Variants in FBXL13 observed in about 807,000 individuals in gnomAD.
FBXL13 encodes the protein F-box and leucine-rich repeat protein 13.
In FBXL13, 67 loss-of-function variants were observed where a neutral mutation model predicts 83.6. The ratio of observed to expected loss-of-function variants is 0.80; its 90% CI spans 0.66 to 0.98. The LOEUF is 0.98. Among genes scored for constraint, FBXL13 ranks in the 50% least tolerant of loss-of-function variants. The pLI, the probability that FBXL13 is intolerant of heterozygous loss-of-function variation, is 0.00. For synonymous variants in FBXL13, 272 were observed against 299.5 expected, an observed-to-expected ratio of 0.91 and a Z score of 0.95; for missense variants, 822 against 866.5, an observed-to-expected ratio of 0.95 and a Z score of 0.64.
chr7:102,832,956 G>C, exon 18 of FBXL13: 1 of 1,614,152 alleles, frequency 6.2e-7, no homozygotes, highest in Non-Finnish European at 8.5e-7. Context: ...TCCAAGATCA[G>C]TGAGCTTTTG....
chr7:102,830,692 T>C (rs1800507569), intron 18 of FBXL13, among the ~76,000 whole-genome samples: 1 of 152,238 alleles, frequency 6.6e-6, no homozygotes, highest in Non-Finnish European at 1.5e-5. Context: ...ACATAGAAGC[T>C]GAACTTCTAG....
intron 6 of FBXL13, among the ~76,000 whole-genome samples, chr7:103,019,996 C>T (rs1057023256): frequency 3.9e-5 from 6 of 152,150 alleles, no homozygotes; most frequent in East Asian, 3.8e-4. Flanking sequence ...CATCCTGATA[C>T]GAAAGCCTGG....
At chr7:102,867,803 T>C (rs11543736) in intron 16 of FBXL13, among the ~76,000 whole-genome samples, 28,167 of 146,528 alleles carry the variant, frequency 0.19, 2,944 homozygotes, top group East Asian at 0.43. Context: ...CCCGGGTTCA[T>C]GCCATTCTCC....
chr7:102,878,460 A>T lies in FBXL13; in HGVS notation c.1389-10T>A. On this transcript the variant is annotated splice_polypyrimidine_tract_variant and intron_variant, in intron 14 of 19. Transcript: ENST00000313221. ...TCCCATATCACCAATTCTGTAGGAA[A>T]GAGAGAAAAATTTTACATGTGATTC... 6 of 1,562,132 alleles carry T rather than the reference A, an allele frequency of 3.8e-6. No individual in the cohort carries two copies. The South Asian group carries it at 7.2e-5, about 19-fold the overall frequency.
chr7:102,994,809 T>G (rs1585278825), intron 6 of FBXL13, among the ~76,000 whole-genome samples: 2 of 152,186 alleles, frequency 1.3e-5, no homozygotes, highest in African/African-American at 4.8e-5. Flanking sequence ...TATTGGTTGG[T>G]TCAGGCCACG....
At chr7:103,005,057 A>C (rs538367497) in intron 6 of FBXL13, among the ~76,000 whole-genome samples, 1 of 152,360 alleles carries the variant, frequency 6.6e-6, no homozygotes, top group Non-Finnish European at 1.5e-5. Flanking sequence ...AAGAGGCAAC[A>C]AAAATTATAT....
At chr7:102,840,785 T>C (rs989624619) in intron 17 of FBXL13, among the ~76,000 whole-genome samples, 1 of 152,196 alleles carries the variant, frequency 6.6e-6, no homozygotes, top group East Asian at 1.9e-4. Context: ...GAACAAGTCA[T>C]GTTACCTCAA....
chr7:102,816,090 C>A (rs1457030968), intron 19 of FBXL13: 1 of 152,138 alleles, frequency 6.6e-6, no homozygotes, highest in African/African-American at 2.4e-5. Flanking sequence ...TTCCTTAGTC[C>A]CTGTCCCCCT....
chr7:102,956,372 T>A (rs1824271768), intron 8 of FBXL13, among the ~76,000 whole-genome samples: 1 of 151,708 alleles, frequency 6.6e-6, no homozygotes, highest in South Asian at 2.1e-4. Context: ...TAGGTATTGA[T>A]GGAACGTATC....
intron 8 of FBXL13, among the ~76,000 whole-genome samples, chr7:102,941,562 TA>T (rs1178358507): frequency 6.6e-6 from 1 of 152,140 alleles, no homozygotes; most frequent in Admixed American, 6.5e-5. Context: ...CCTGTCTTGA[TA>T]AATAGACTCT....
At chr7:102,875,763 C>T (rs1221279974) in intron 16 of FBXL13, among the ~76,000 whole-genome samples, 1 of 152,092 alleles carries the variant, frequency 6.6e-6, no homozygotes, top group African/African-American at 2.4e-5. Flanking sequence ...AGTAGGAAGC[C>T]ACTACTGTCC....
chr7:103,026,864 C>A (rs1012010833), intron 5 of FBXL13, among the ~76,000 whole-genome samples: 3 of 152,078 alleles, frequency 2.0e-5, no homozygotes, highest in African/African-American at 7.2e-5. Flanking sequence ...ATATCTCCTA[C>A]TAAATAATGT....
intron 7 of FBXL13, among the ~76,000 whole-genome samples, chr7:102,966,643 G>C (rs184083340): frequency 6.6e-6 from 1 of 152,290 alleles, no homozygotes; most frequent in East Asian, 1.9e-4. Flanking sequence ...AACGAAGCCA[G>C]GGTAGGAAGT....
intron 6 of FBXL13, among the ~76,000 whole-genome samples, chr7:103,021,085 C>T (rs1294162784): frequency 6.6e-6 from 1 of 152,162 alleles, no homozygotes; most frequent in Non-Finnish European, 1.5e-5. Flanking sequence ...TCAAACTATA[C>T]TACAAAGCTA....
chr7:102,916,258 A>C (rs1337808392), intron 10 of FBXL13, among the ~76,000 whole-genome samples: 1 of 152,134 alleles, frequency 6.6e-6, no homozygotes, highest in Non-Finnish European at 1.5e-5. Context: ...AAGTGCTGGG[A>C]TTATAGGCAT....
chr7:102,972,835 AT>A (rs1826884089), intron 6 of FBXL13, among the ~76,000 whole-genome samples: 1 of 152,012 alleles, frequency 6.6e-6, no homozygotes, highest in Non-Finnish European at 1.5e-5. Flanking sequence ...GAAGACAAAA[AT>A]TTTTTATTCC....
At chr7:102,862,807 C>T (rs1170434323) in intron 16 of FBXL13, among the ~76,000 whole-genome samples, 2 of 152,208 alleles carry the variant, frequency 1.3e-5, no homozygotes, top group Non-Finnish European at 2.9e-5. Flanking sequence ...ATTACTCTGA[C>T]CTCTGTCTCC....
chr7:102,964,241 G>A (rs1825714806), intron 7 of FBXL13, among the ~76,000 whole-genome samples: 1 of 151,546 alleles, frequency 6.6e-6, no homozygotes, highest in Non-Finnish European at 1.5e-5. Flanking sequence ...AACCTGAGAG[G>A]TGGAGGTTGC....
intron 12 of FBXL13, 90 bp from the exon 14 acceptor site, chr7:102,883,775 G>A (rs1810428725): frequency 1.1e-5 from 8 of 738,046 alleles, no homozygotes; most frequent in Non-Finnish European, 1.8e-5. Flanking sequence ...ATATATTAGA[G>A]ACAGACATGT....
Sources: gnomAD v4.1 joint callset for allele counts (sites outside exome capture counted in the v4.1 genomes callset) on GRCh38, gnomAD v4.1.1 for gene constraint, MANE v1.5 for transcripts, NCBI Gene and HGNC (gene_info 2026-07-23, HGNC 2026-07-21) for gene names.